Variants in NALF1 observed in about 807,000 individuals in gnomAD.
NALF1 encodes NALCN channel auxiliary factor 1, also known as family with sequence similarity 155 member A.
A neutral mutation model predicts 48.4 loss-of-function variants in NALF1; 3 were observed. The observed-to-expected ratio is 0.06, with a 90% CI of 0.03 to 0.16. The LOEUF (loss-of-function observed/expected upper bound fraction) is 0.16, where lower values mean the gene tolerates loss of function less well. NALF1 is among the 10% of genes least tolerant of loss of function. The pLI is 1.00. For synonymous variants in NALF1, 262 were observed against 245.7 expected (o/e 1.07, Z -0.62); for missense variants, 526 against 571.5 (o/e 0.92, Z 0.81).
At chr13:107,817,365 A>G (rs1879198967) in intron 1 of NALF1, among the ~76,000 whole-genome samples, 1 of 152,230 alleles carries the variant, frequency 6.6e-6, no homozygotes. Flanking sequence ...ATGATTCTGT[A>G]ACTTTTGGTA....
At position 107,170,459 on chromosome 13, in the gene NALF1, G is replaced by A. The variant is rs146613982; in HGVS notation, c.*38C>T. 19 of 1,543,220 alleles carry A rather than the reference G, an allele frequency of 1.2e-5. No homozygotes were observed. The East Asian group carries it at 4.1e-4, about 33-fold the overall frequency. On this transcript the variant is annotated 3_prime_UTR_variant, in exon 3 of 3. Transcript: ENST00000375915. The stretch of plus-strand genomic sequence containing the variant: ...GAGACAGCAGTTGCCATTTTTCACG[G>A]CGGGCCAGCTGCTGCTGTGGTGACA...
At chr13:107,727,941 T>C (rs1039898614) in intron 1 of NALF1, among the ~76,000 whole-genome samples, 3 of 152,144 alleles carry the variant, frequency 2.0e-5, no homozygotes, top group Non-Finnish European at 4.4e-5. Flanking sequence ...AAAAAGCTCA[T>C]CATCACTGGT....
At chr13:107,758,040 T>C (rs1423151485) in intron 1 of NALF1, among the ~76,000 whole-genome samples, 2 of 152,178 alleles carry the variant, frequency 1.3e-5, no homozygotes, top group Non-Finnish European at 2.9e-5. Context: ...ATCCAACTGA[T>C]GGTGGCATCT....
At chr13:107,312,312 G>T (rs576740644) in intron 1 of NALF1, among the ~76,000 whole-genome samples, 21 of 151,812 alleles carry the variant, frequency 1.4e-4, no homozygotes, top group Admixed American at 3.3e-4. Flanking sequence ...CTCAGCAAAC[G>T]ATCACGAGGT....
chr13:107,722,616 C>T lies in NALF1; in HGVS notation c.915+143066G>A, dbSNP rs760816661. On this transcript the variant is annotated intron_variant, in intron 1 of 2. Transcript: ENST00000375915. ...ACCACGCTCCTTCTGAAAACGGTTGCCTACATCTCTCCTAGGACAGTGAGG... is the reference window on the plus strand; with the variant it reads ...ACCACGCTCCTTCTGAAAACGGTTGTCTACATCTCTCCTAGGACAGTGAGG... Among the ~76,000 whole-genome samples the T allele has an allele frequency of 2.6e-5, 4 of 152,268 alleles. No homozygotes were observed. The East Asian group carries it at 5.8e-4, about 22-fold the overall frequency.
chr13:107,698,401 C>T (rs1881743938), intron 1 of NALF1, among the ~76,000 whole-genome samples: 1 of 151,998 alleles, frequency 6.6e-6, no homozygotes, highest in South Asian at 2.1e-4. Context: ...CTGGTGCTTC[C>T]GATTCAGCCA....
intron 1 of NALF1, among the ~76,000 whole-genome samples, chr13:107,449,609 T>C (rs1884707853): frequency 6.6e-6 from 1 of 152,144 alleles, no homozygotes; most frequent in Non-Finnish European, 1.5e-5. Context: ...TTATTTTGAA[T>C]CTATTGTGAA....
intron 1 of NALF1, among the ~76,000 whole-genome samples, chr13:107,824,059 G>A (rs1879439073): frequency 6.6e-6 from 1 of 151,762 alleles, no homozygotes; most frequent in African/African-American, 2.4e-5. Context: ...CTTATCCTGT[G>A]TACCAGCTCA....
intron 1 of NALF1, among the ~76,000 whole-genome samples, chr13:107,601,401 C>T (rs1207039459): frequency 6.6e-6 from 1 of 152,142 alleles, no homozygotes; most frequent in Non-Finnish European, 1.5e-5. Context: ...GATGGAGCGA[C>T]TTTTCTTGAG....
chr13:107,302,070 C>T (rs571326610), intron 1 of NALF1, among the ~76,000 whole-genome samples: 1 of 152,234 alleles, frequency 6.6e-6, no homozygotes, highest in South Asian at 2.1e-4. Context: ...CATTCATGAA[C>T]TAATGGATTG....
chr13:107,337,172 G>A (rs1171819511), intron 1 of NALF1, among the ~76,000 whole-genome samples: 1 of 151,602 alleles, frequency 6.6e-6, no homozygotes, highest in Non-Finnish European at 1.5e-5. Flanking sequence ...TGTTCTGTTG[G>A]ATCAGAAAGC....
At position 107,297,008 on chromosome 13, in the gene NALF1, TAG is replaced by T. The variant is rs531201868; in HGVS notation, c.916-86255_916-86254del. On this transcript the variant is annotated intron_variant, in intron 1 of 2. Transcript: ENST00000375915. ...AGTCACCACCCAGACCTACATAGAT[TAG>T]AGTTTTTTTATTTTATTATTTATTT... Among the ~76,000 whole-genome samples, 637 of 151,966 alleles carry T rather than the reference TAG, an allele frequency of 4.2e-3. 4 individuals are homozygous for T. The highest frequency in any genetic ancestry group is 0.015 in the African/African-American group (603 of 41,500).
chr13:107,589,765 A>C (rs893665391), intron 1 of NALF1, among the ~76,000 whole-genome samples: 2 of 152,022 alleles, frequency 1.3e-5, no homozygotes, highest in African/African-American at 4.8e-5. Flanking sequence ...GTTATCTAGT[A>C]AACTTGTATC....
intron 1 of NALF1, among the ~76,000 whole-genome samples, chr13:107,368,386 G>A (rs940400399): frequency 1.3e-4 from 19 of 149,102 alleles, no homozygotes; most frequent in South Asian, 2.1e-4. Flanking sequence ...GCCCAATCTC[G>A]GCTCACTAAA....
intron 1 of NALF1, among the ~76,000 whole-genome samples, chr13:107,296,411 A>G (rs1031423979): frequency 2.0e-5 from 3 of 152,210 alleles, no homozygotes; most frequent in Non-Finnish European, 4.4e-5. Context: ...TATCTACTGA[A>G]TATTCTTCAG....
chr13:107,489,179 C>G (rs560048665), intron 1 of NALF1, among the ~76,000 whole-genome samples: 1 of 152,098 alleles, frequency 6.6e-6, no homozygotes, highest in African/African-American at 2.4e-5. Context: ...ATAGAAGAAT[C>G]GATATCATTA....
chr13:107,569,102 A>G (rs1043119026), intron 1 of NALF1, among the ~76,000 whole-genome samples: 8 of 152,160 alleles, frequency 5.3e-5, no homozygotes, highest in African/African-American at 1.7e-4. Flanking sequence ...GGATTCATAT[A>G]AAGTGTGAGA....
At chr13:107,726,451 C>A (rs1441632212) in intron 1 of NALF1, among the ~76,000 whole-genome samples, 1 of 151,952 alleles carries the variant, frequency 6.6e-6, no homozygotes, top group African/African-American at 2.4e-5. Flanking sequence ...AAACCGAGTT[C>A]ACACTAGATA....
intron 1 of NALF1, among the ~76,000 whole-genome samples, chr13:107,758,676 G>A (rs1877185012): frequency 6.6e-6 from 1 of 152,198 alleles, no homozygotes; most frequent in Admixed American, 6.5e-5. Context: ...AGCCGAGATA[G>A]CGCCACTGCA....
Sources: gnomAD v4.1 joint callset for allele counts (sites outside exome capture counted in the v4.1 genomes callset) on GRCh38, gnomAD v4.1.1 for gene constraint, MANE v1.5 for transcripts, NCBI Gene and HGNC (gene_info 2026-07-23, HGNC 2026-07-21) for gene names.